PVALB: variants seen among roughly 807,000 people sequenced by gnomAD.
PVALB encodes the protein parvalbumin.
A neutral mutation model predicts 10.9 loss-of-function variants in PVALB; 11 were observed. The observed-to-expected ratio is 1.01, with a 90% confidence interval of 0.63 to 1.67. The LOEUF (loss-of-function observed/expected upper bound fraction) is 1.67, where lower values mean the gene tolerates loss of function less well. Among genes scored for constraint, PVALB ranks in the 40% most tolerant of loss-of-function variants. The pLI is 0.00. For missense variants in PVALB, 131 were observed against 136.2 expected, an observed-to-expected ratio of 0.96 and a Z score of 0.19; for synonymous variants, 57 against 50.7, an observed-to-expected ratio of 1.12 and a Z score of -0.53.
rs556621325 is a variant in PVALB, at chr22:36,810,912, T to C, written c.304+2734A>G. 1.3e-4 allele frequency among the ~76,000 whole-genome samples: 20 copies of C among 152,370 alleles called. No individual in the cohort carries two copies. The South Asian group carries it at 3.9e-3, about 30-fold the overall frequency. The stretch of plus-strand genomic sequence containing the variant: ...ACAAAATGCCTGATGCCTGCGCCTC[T>C]GCCTCTGGCTGGCACTATCGCTTGT... On this transcript the variant is annotated intron_variant, in intron 3 of 3. Coordinates refer to ENST00000417718, the MANE Select transcript of PVALB (RefSeq NM_001315532.2).
intron 3 of PVALB, among the ~76,000 whole-genome samples, chr22:36,805,610 A>G (rs1337374595): frequency 2.0e-5 from 3 of 152,116 alleles, no homozygotes; most frequent in Non-Finnish European, 4.4e-5. Flanking sequence ...TTCCATCACT[A>G]TCTGGCTAGG....
intron 1 of PVALB, 63 bp downstream of exon 1, chr22:36,816,868 CTGCGGGGCCGGCGG>C: frequency 1.5e-6 from 2 of 1,314,668 alleles, no homozygotes; most frequent in Non-Finnish European, 2.1e-6. Flanking sequence ...GATCCGCCGG[CTGCGGGGCCGGCGG>C]AGTGCAGGGG....
chr22:36,807,172 A>C (rs1268812125), intron 3 of PVALB, among the ~76,000 whole-genome samples: 1 of 152,228 alleles, frequency 6.6e-6, no homozygotes. Context: ...AGCTCAGCTT[A>C]GGGGAGGGAG....
intron 3 of PVALB, among the ~76,000 whole-genome samples, chr22:36,807,721 A>G (rs549530055): frequency 1.8e-4 from 27 of 152,288 alleles, no homozygotes; most frequent in African/African-American, 6.5e-4. Flanking sequence ...AGCCATTCCC[A>G]CGGCTGATCC....
intron 3 of PVALB, among the ~76,000 whole-genome samples, chr22:36,806,920 C>T (rs1311860386): frequency 1.3e-5 from 2 of 152,092 alleles, no homozygotes; most frequent in Non-Finnish European, 2.9e-5. Flanking sequence ...TTAAATGGTC[C>T]TGGTTCTGAC....
chr22:36,817,028 G>GAGCA lies in PVALB; in HGVS notation c.-27_-24dup. 6.2e-7 allele frequency: 1 copy of GAGCA among 1,602,038 alleles called. No homozygotes were observed. ...CATCCTGCAACTGTTTGAGCGGGCA[G>GAGCA]AGCAAGTGCGAAAAGATTAAAAAGT... On this transcript the variant is annotated 5_prime_UTR_variant, in exon 1 of 4. Coordinates refer to ENST00000417718, the MANE Select transcript of PVALB (RefSeq NM_001315532.2).
At chr22:36,803,050 AT>A (rs1272669506) in intron 3 of PVALB, among the ~76,000 whole-genome samples, 1 of 152,212 alleles carries the variant, frequency 6.6e-6, no homozygotes, top group African/African-American at 2.4e-5. Flanking sequence ...AGTAACTAAC[AT>A]TTATCGAATG....
At chr22:36,805,613 T>C (rs763207641) in intron 3 of PVALB, among the ~76,000 whole-genome samples, 2 of 152,198 alleles carry the variant, frequency 1.3e-5, no homozygotes, top group African/African-American at 2.4e-5. Flanking sequence ...CATCACTATC[T>C]GGCTAGGTGG....
chr22:36,816,667 G>T (rs993897768), intron 1 of PVALB, among the ~76,000 whole-genome samples: 2 of 152,186 alleles, frequency 1.3e-5, no homozygotes, highest in African/African-American at 4.8e-5. Context: ...CCTTGGTCCC[G>T]GACCCTGAGT....
At chr22:36,812,965 C>T (rs1300628080) in intron 3 of PVALB, among the ~76,000 whole-genome samples, 4 of 152,324 alleles carry the variant, frequency 2.6e-5, no homozygotes, top group African/African-American at 4.8e-5. Flanking sequence ...AAGGAGTGGA[C>T]GGTGGGCCAC....
intron 1 of PVALB, 165 bp from the exon 2 acceptor site, chr22:36,815,400 G>A (rs1286099386): frequency 5.5e-6 from 5 of 909,868 alleles, no homozygotes; most frequent in Middle Eastern, 3.4e-4. Flanking sequence ...GGGCAAGGGA[G>A]GATAACCTGT....
intron 3 of PVALB, chr22:36,813,307 C>T (rs1939074677): frequency 4.2e-6 from 1 of 239,644 alleles, no homozygotes; most frequent in South Asian, 9.6e-5. Context: ...TGCCCAAGGT[C>T]ACACAGCCAG....
intron 1 of PVALB, among the ~76,000 whole-genome samples, chr22:36,816,166 G>A (rs1020424141): frequency 6.6e-6 from 1 of 152,130 alleles, no homozygotes; most frequent in African/African-American, 2.4e-5. Flanking sequence ...ACTAGGCTGG[G>A]CAACCCAGTT....
upstream of PVALB, chr22:36,817,126 G>C: frequency 1.1e-6 from 1 of 920,288 alleles, no homozygotes; most frequent in Non-Finnish European, 1.6e-6. Context: ...CGCCGGGCCT[G>C]GCATGGCGCC....
At chr22:36,812,527 T>C (rs759688047) in intron 3 of PVALB, among the ~76,000 whole-genome samples, 2 of 152,232 alleles carry the variant, frequency 1.3e-5, no homozygotes, top group Non-Finnish European at 2.9e-5. Flanking sequence ...CTTTACATAT[T>C]AACACATCTA....
At chr22:36,804,690 C>T (rs577388672) in intron 3 of PVALB, among the ~76,000 whole-genome samples, 41 of 152,276 alleles carry the variant, frequency 2.7e-4, no homozygotes, top group African/African-American at 9.6e-4. Context: ...AATCACAGCA[C>T]TTTGGGAGGC....
At chr22:36,813,013 C>A (rs2145952459) in intron 3 of PVALB, among the ~76,000 whole-genome samples, 1 of 152,340 alleles carries the variant, frequency 6.6e-6, no homozygotes, top group South Asian at 2.1e-4. Context: ...GCCTGCAAAG[C>A]AAGGCAGGGC....
chr22:36,802,330 C>T (rs59095433), intron 3 of PVALB, among the ~76,000 whole-genome samples: 62 of 151,298 alleles, frequency 4.1e-4, no homozygotes, highest in Non-Finnish European at 7.5e-4. Flanking sequence ...GGGCTGGGCA[C>T]GGTGGCTCGC....
Position 36,802,603 on chromosome 22 carries a change from C to CAAAA in PVALB, c.305-1689_305-1686dup, listed in dbSNP as rs60843863. Among the ~76,000 whole-genome samples, 31 of 27,652 alleles carry CAAAA rather than the reference C, an allele frequency of 1.1e-3. 1 individual carries two copies. The highest frequency in any genetic ancestry group is 2.5e-3 in the African/African-American group (21 of 8,318). 18.1% of individuals were successfully genotyped at this position (27,652 alleles called of 152,430 possible). ...TAACAGAGTGAGACTCCATCTCACACAAAAAAAAAAAAAAAAAAAAAAAGA... is the reference window on the plus strand; with the variant it reads ...TAACAGAGTGAGACTCCATCTCACACAAAAAAAAAAAAAAAAAAAAAAAAAAAGA... On this transcript the variant is annotated intron_variant, in intron 3 of 3. Transcript: ENST00000417718.
Sources: allele counts gnomAD v4.1 joint callset (sites outside exome capture counted in the v4.1 genomes callset), GRCh38; gene constraint gnomAD v4.1.1; transcripts MANE v1.5; gene names NCBI Gene and HGNC (gene_info 2026-07-23, HGNC 2026-07-21).